NFIB: variants seen among roughly 807,000 people sequenced by gnomAD.
The protein encoded by NFIB is nuclear factor 1 B-type.
A neutral mutation model predicts 61.5 loss-of-function variants in NFIB; 11 were observed. That is an observed-to-expected ratio of 0.18 (90% CI 0.11 to 0.30). The LOEUF is 0.30. Ranked by LOEUF, NFIB falls within the 10% of genes least tolerant of loss-of-function variation. The pLI, the probability that NFIB is intolerant of heterozygous loss-of-function variation, is 1.00. For synonymous variants in NFIB, 260 were observed against 216.5 expected (o/e 1.20, Z -1.76); for missense variants, 471 against 608.9 (o/e 0.77, Z 2.38).
At chr9:14,239,948 A>G (rs1185914687) in intron 2 of NFIB, among the ~76,000 whole-genome samples, 1 of 152,156 alleles carries the variant, frequency 6.6e-6, no homozygotes, top group African/African-American at 2.4e-5. Context: ...ATGAAGAGAA[A>G]TAAAATCATA....
chr9:14,426,573 G>A, the NFIB span, among the ~76,000 whole-genome samples: 21 of 152,214 alleles, frequency 1.4e-4, no homozygotes, highest in African/African-American at 5.1e-4. Context: ...GCAGAAAAAA[G>A]GAAAAACTTA....
upstream of NFIB, among the ~76,000 whole-genome samples, chr9:14,400,603 A>G (rs1405510396): frequency 6.6e-6 from 1 of 152,138 alleles, no homozygotes; most frequent in African/African-American, 2.4e-5. Context: ...CAAAATCGAA[A>G]GCAAACAACA....
At chr9:14,192,392 T>C (rs2131564122) in intron 2 of NFIB, among the ~76,000 whole-genome samples, 1 of 152,260 alleles carries the variant, frequency 6.6e-6, no homozygotes, top group African/African-American at 2.4e-5. Flanking sequence ...CCCAAACAAT[T>C]GCTTTGAATC....
At chr9:14,458,869 G>A in the NFIB span, among the ~76,000 whole-genome samples, 5 of 151,474 alleles carry the variant, frequency 3.3e-5, no homozygotes, top group African/African-American at 1.2e-4. Context: ...AATAAAAGAG[G>A]ATACAAACAA....
At chr9:14,427,494 A>C in the NFIB span, among the ~76,000 whole-genome samples, 2 of 152,154 alleles carry the variant, frequency 1.3e-5, no homozygotes, top group East Asian at 3.9e-4. Flanking sequence ...GCTTAAATTT[A>C]AACACAGGAA....
At chr9:14,221,757 A>G (rs2051703318) in intron 2 of NFIB, among the ~76,000 whole-genome samples, 1 of 152,202 alleles carries the variant, frequency 6.6e-6, no homozygotes, top group Non-Finnish European at 1.5e-5. Flanking sequence ...TCCATAGTAT[A>G]ATTGAGCAAG....
intron 1 of NFIB, among the ~76,000 whole-genome samples, chr9:14,329,472 A>C (rs757796339): frequency 5.9e-5 from 9 of 151,950 alleles, no homozygotes; most frequent in Non-Finnish European, 1.0e-4. Flanking sequence ...CCCCCTGCAA[A>C]TCCTGGGCCC....
At position 14,084,402 on chromosome 9, in the gene NFIB, G is replaced by A. The variant is rs1005177365; in HGVS notation, c.*3907C>T. 4.9e-5 allele frequency: 11 copies of A among 224,286 alleles called. No homozygotes were observed. The highest frequency in any genetic ancestry group is 2.5e-4 in the African/African-American group (11 of 44,842). The allele number at this position is 224,286 out of a possible 1,614,324, so 13.9% of individuals were successfully genotyped here. A position where few individuals can be genotyped will look rare whatever the true frequency, so the allele number is the denominator to read the frequency against. On this transcript the variant is annotated 3_prime_UTR_variant, in exon 11 of 11. Transcript: ENST00000380953. ...TCTTCTCGCTACTTGCAGCTTCACAGATTCATTCACATATTTTTTAATGGA... is the reference window on the plus strand; with the variant it reads ...TCTTCTCGCTACTTGCAGCTTCACAAATTCATTCACATATTTTTTAATGGA...
At chr9:14,089,525 T>C (rs1251693675) in intron 10 of NFIB, among the ~76,000 whole-genome samples, 2 of 152,142 alleles carry the variant, frequency 1.3e-5, no homozygotes, top group African/African-American at 4.8e-5. Context: ...GTATTGCCTG[T>C]TCCAACACTC....
chr9:14,165,629 C>T (rs1054543264), intron 3 of NFIB, among the ~76,000 whole-genome samples: 4 of 152,232 alleles, frequency 2.6e-5, no homozygotes, highest in Non-Finnish European at 4.4e-5. Context: ...ACAGACTCTT[C>T]AGCAAAATTC....
chr9:14,249,378 C>T (rs1218360635), intron 2 of NFIB, among the ~76,000 whole-genome samples: 1 of 152,092 alleles, frequency 6.6e-6, no homozygotes, highest in Non-Finnish European at 1.5e-5. Flanking sequence ...AATAGTATTA[C>T]TCGGAAATCT....
chr9:14,187,017 GT>G (rs2047417972), intron 2 of NFIB, among the ~76,000 whole-genome samples: 1 of 37,524 alleles, frequency 2.7e-5, no homozygotes, highest in African/African-American at 7.1e-5. Context: ...GTGTGTGTGT[GT>G]GTGTGTGTAT....
intron 1 of NFIB, among the ~76,000 whole-genome samples, chr9:14,342,558 C>T (rs528404775): frequency 6.6e-6 from 1 of 152,136 alleles, no homozygotes; most frequent in East Asian, 1.9e-4. Flanking sequence ...GTTTATTGAA[C>T]CCAGGCTGCA....
chr9:14,428,492 T>A, the NFIB span, among the ~76,000 whole-genome samples: 1 of 151,918 alleles, frequency 6.6e-6, no homozygotes. Flanking sequence ...TTCAAGAAAC[T>A]GCAAAAGAGA....
the NFIB span, among the ~76,000 whole-genome samples, chr9:14,411,950 G>A: frequency 6.6e-6 from 1 of 152,176 alleles, no homozygotes; most frequent in Admixed American, 6.5e-5. Flanking sequence ...GGCCTATGTG[G>A]TAAAGAACAG....
In NFIB at chr9:14,150,275, A is replaced by G; in HGVS notation, c.686-10T>C. ...CCCTGGGTTATGGGCGCTGAGGAAT[A>G]AGACAAAGAAGCACTGGGAATGACA... is the stretch of plus-strand genomic sequence containing the variant. On this transcript the variant is annotated splice_polypyrimidine_tract_variant and intron_variant, in intron 4 of 10. Transcript: ENST00000380953. 5 of 1,613,094 alleles carry G rather than the reference A, an allele frequency of 3.1e-6. No homozygotes were observed. The highest frequency in any genetic ancestry group is 4.2e-6 in the Non-Finnish European group (5 of 1,179,306).
rs2032469378 is a variant in NFIB at position 14,084,161 on chromosome 9, T to G, written c.*4148A>C. On this transcript the variant is annotated 3_prime_UTR_variant, in exon 11 of 11. Coordinates refer to ENST00000380953, the MANE Select transcript of NFIB (RefSeq NM_001190737.2). Reference sequence around the variant, plus strand: ...ACAGATTTTCTTTTTAATACATAACTTAAGAGACTGGAGAGTTTTAACTCA... The same window carrying G: ...ACAGATTTTCTTTTTAATACATAACGTAAGAGACTGGAGAGTTTTAACTCA... 5.0e-6 allele frequency: 1 copy of G among 201,762 alleles called. No homozygotes were observed. Among genetic ancestry groups the G allele is most frequent in the Admixed American group, 6.0e-5 (1 of 16,622 alleles). 12.5% of individuals were successfully genotyped at this position (201,762 alleles called of 1,614,324 possible).
chr9:14,283,688 G>A (rs932153118), intron 2 of NFIB, among the ~76,000 whole-genome samples: 1 of 152,174 alleles, frequency 6.6e-6, no homozygotes, highest in Non-Finnish European at 1.5e-5. Flanking sequence ...TTCACGTTAG[G>A]GAGCAAATAT....
chr9:14,092,994 A>C (rs779756685), intron 10 of NFIB, among the ~76,000 whole-genome samples: 2 of 151,988 alleles, frequency 1.3e-5, no homozygotes, highest in Non-Finnish European at 2.9e-5. Flanking sequence ...GTTTTTTTAA[A>C]ATTATGCATT....
Sources: gnomAD v4.1 joint callset for allele counts (sites outside exome capture counted in the v4.1 genomes callset) on GRCh38, gnomAD v4.1.1 for gene constraint, MANE v1.5 for transcripts, NCBI Gene and HGNC (gene_info 2026-07-23, HGNC 2026-07-21) for gene names.